Variants in NKAIN2 observed in about 807,000 individuals in gnomAD.
The protein encoded by NKAIN2 is sodium/potassium transporting ATPase interacting 2, also known as sodium/potassium-transporting ATPase subunit beta-1-interacting protein 2.
In NKAIN2, 14 loss-of-function variants were observed where a neutral mutation model predicts 32.6. That is an observed-to-expected ratio of 0.43 (90% CI 0.28 to 0.67). The LOEUF (loss-of-function observed/expected upper bound fraction) is 0.67, where lower values mean the gene tolerates loss of function less well. NKAIN2 is among the 30% of genes least tolerant of loss of function. The pLI, the probability that NKAIN2 is intolerant of heterozygous loss-of-function variation, is 0.17. For missense variants in NKAIN2, 198 were observed against 258.3 expected, an observed-to-expected ratio of 0.77 and a Z score of 1.60; for synonymous variants, 80 against 87.2, an observed-to-expected ratio of 0.92 and a Z score of 0.46.
At chr6:124,630,656 T>G (rs1441467376) in intron 3 of NKAIN2, among the ~76,000 whole-genome samples, 1 of 152,188 alleles carries the variant, frequency 6.6e-6, no homozygotes, top group East Asian at 1.9e-4. Context: ...AGGAGCTCTT[T>G]CAAAATTTCC....
intron 3 of NKAIN2, among the ~76,000 whole-genome samples, chr6:124,428,196 T>C (rs1306250889): frequency 2.6e-5 from 4 of 152,160 alleles, no homozygotes; most frequent in Admixed American, 1.3e-4. Flanking sequence ...GGAATTCCTT[T>C]CACTCCTTCC....
intron 2 of NKAIN2, among the ~76,000 whole-genome samples, chr6:124,313,114 T>G (rs1357970248): frequency 1.3e-5 from 2 of 152,144 alleles, no homozygotes; most frequent in African/African-American, 4.8e-5. Flanking sequence ...TATGAAAATT[T>G]TGTAAGAAAA....
chr6:124,616,632 T>G (rs2115007880), intron 3 of NKAIN2, among the ~76,000 whole-genome samples: 1 of 151,528 alleles, frequency 6.6e-6, no homozygotes, highest in South Asian at 2.1e-4. Flanking sequence ...GCCCGGCTAA[T>G]TTTTTGTATT....
intron 3 of NKAIN2, among the ~76,000 whole-genome samples, chr6:124,455,747 G>A (rs536032): frequency 0.1 from 15,362 of 151,678 alleles, 1,002 homozygotes; most frequent in East Asian, 0.25. Flanking sequence ...GGTATTCTTT[G>A]GACATTTGCA....
intron 3 of NKAIN2, among the ~76,000 whole-genome samples, chr6:124,617,853 T>A (rs569636822): frequency 6.6e-6 from 1 of 152,304 alleles, no homozygotes; most frequent in East Asian, 1.9e-4. Flanking sequence ...TTTTTCATTT[T>A]TATAACTAGG....
chr6:124,796,181 A>G (rs1338166737), intron 5 of NKAIN2, among the ~76,000 whole-genome samples: 1 of 152,144 alleles, frequency 6.6e-6, no homozygotes, highest in East Asian at 1.9e-4. Flanking sequence ...CCATAAAAAC[A>G]TACCACAGAC....
intron 2 of NKAIN2, among the ~76,000 whole-genome samples, chr6:124,354,837 A>T (rs1361785084): frequency 6.8e-6 from 1 of 146,176 alleles, no homozygotes; most frequent in Non-Finnish European, 1.5e-5. Flanking sequence ...TGAGTCCATA[A>T]CAGTAAGAAA....
At position 124,597,953 on chromosome 6, in the gene NKAIN2, T is replaced by G. The variant is rs568323870; in HGVS notation, c.274-60233T>G. Among the ~76,000 whole-genome samples the G allele has an allele frequency of 2.6e-5, 4 of 152,340 alleles. No individual in the cohort carries two copies. The East Asian group carries it at 5.8e-4, about 22-fold the overall frequency. On this transcript the variant is annotated intron_variant, in intron 3 of 6. Coordinates refer to ENST00000368417, the MANE Select transcript of NKAIN2 (RefSeq NM_001040214.3). ...ATAAAGCAGAACATCTAAGTCTTAC[T>G]ATCAAACAGCTATCACTGTGCTGTC...
chr6:124,113,712 C>T (rs1331306700), intron 1 of NKAIN2, among the ~76,000 whole-genome samples: 2 of 152,108 alleles, frequency 1.3e-5, no homozygotes, highest in African/African-American at 2.4e-5. Context: ...GGAGCTTGGG[C>T]ATCTCTTTCT....
intron 3 of NKAIN2, among the ~76,000 whole-genome samples, chr6:124,529,302 G>A (rs1779434190): frequency 6.6e-6 from 1 of 152,136 alleles, no homozygotes; most frequent in African/African-American, 2.4e-5. Context: ...CCACCCTGAT[G>A]TAGGCTGGGC....
intron 4 of NKAIN2, among the ~76,000 whole-genome samples, chr6:124,786,075 C>G (rs1489315576): frequency 1.3e-5 from 2 of 152,032 alleles, no homozygotes; most frequent in African/African-American, 4.8e-5. Flanking sequence ...GCTAGGCTGC[C>G]TTTTCCCTTT....
rs1231156638 is a variant in NKAIN2 at position 124,283,161 on chromosome 6, T to C, written c.192+19T>C. The C allele has an allele frequency of 1.9e-6, 3 of 1,575,856 alleles. No individual in the cohort carries two copies. Among genetic ancestry groups the C allele is most frequent in the Middle Eastern group, 1.7e-4 (1 of 5,936 alleles). The stretch of plus-strand genomic sequence containing the variant: ...AACAGGAGTAAGTACATTTTCTGCC[T>C]TTTAAAAATCTTATTGAACTAGAGA... On this transcript the variant is annotated intron_variant, in intron 2 of 6. Transcript: ENST00000368417.
At chr6:124,506,663 A>C (rs184493654) in intron 3 of NKAIN2, among the ~76,000 whole-genome samples, 1 of 152,338 alleles carries the variant, frequency 6.6e-6, no homozygotes, top group Admixed American at 6.5e-5. Context: ...ACATTGTTTT[A>C]GTAGAACTAT....
chr6:123,825,283 G>A (rs184138681), intron 1 of NKAIN2, among the ~76,000 whole-genome samples: 4 of 152,118 alleles, frequency 2.6e-5, no homozygotes, highest in Non-Finnish European at 5.9e-5. Flanking sequence ...TCAGACCACA[G>A]CACAGTCATT....
intron 1 of NKAIN2, among the ~76,000 whole-genome samples, chr6:123,900,633 G>C (rs1353681105): frequency 8.0e-6 from 1 of 125,128 alleles, no homozygotes; most frequent in East Asian, 2.9e-4. Flanking sequence ...TTAACCCCCC[G>C]AGCTGGCGTC....
intron 1 of NKAIN2, among the ~76,000 whole-genome samples, chr6:124,191,614 G>A (rs1467766349): frequency 9.9e-5 from 15 of 151,812 alleles, no homozygotes; most frequent in Admixed American, 8.5e-4. Flanking sequence ...CTACTCTGGC[G>A]GCTAGGACTT....
chr6:124,018,377 A>T (rs532387559), intron 1 of NKAIN2, among the ~76,000 whole-genome samples: 10 of 152,182 alleles, frequency 6.6e-5, no homozygotes, highest in Non-Finnish European at 1.0e-4. Context: ...GGTGATTAAC[A>T]TTTGACTTCT....
chr6:124,532,377 G>A (rs1369077709), intron 3 of NKAIN2, among the ~76,000 whole-genome samples: 1 of 152,198 alleles, frequency 6.6e-6, no homozygotes, highest in Non-Finnish European at 1.5e-5. Flanking sequence ...AGCTGTGAAA[G>A]AAGATGCAGG....
intron 1 of NKAIN2, among the ~76,000 whole-genome samples, chr6:124,161,824 A>T (rs1415074408): frequency 1.3e-5 from 2 of 152,072 alleles, no homozygotes; most frequent in South Asian, 4.1e-4. Flanking sequence ...GAAAGGATTG[A>T]AAAACTGTTG....
Sources: gnomAD v4.1 joint callset for allele counts (sites outside exome capture counted in the v4.1 genomes callset) on GRCh38, gnomAD v4.1.1 for gene constraint, MANE v1.5 for transcripts, NCBI Gene and HGNC (gene_info 2026-07-23, HGNC 2026-07-21) for gene names.